AKAP7: variants seen among roughly 807,000 people sequenced by gnomAD.
AKAP7 encodes the protein A-kinase anchoring protein 7, also known as A kinase (PRKA) anchor protein 7.
Under a neutral mutation model 39.5 loss-of-function variants are expected in AKAP7, and 39 were observed. The ratio of observed to expected loss-of-function variants is 0.99; its 90% CI spans 0.76 to 1.29. The LOEUF is 1.29. AKAP7 is among the 50% of genes most tolerant of loss of function. The pLI, the probability that AKAP7 is intolerant of heterozygous loss-of-function variation, is 0.00. For synonymous variants in AKAP7, 140 were observed against 139.1 expected (o/e 1.01, Z -0.05); for missense variants, 414 against 407.7 (o/e 1.02, Z -0.13).
chr6:131,203,481 T>C (rs1235680825), intron 6 of AKAP7, among the ~76,000 whole-genome samples: 1 of 152,184 alleles, frequency 6.6e-6, no homozygotes, highest in Non-Finnish European at 1.5e-5. Context: ...GTTAGGAGAT[T>C]GGACTCATTT....
intron 7 of AKAP7, among the ~76,000 whole-genome samples, chr6:131,232,421 CT>C (rs1810699387): frequency 6.6e-6 from 1 of 152,160 alleles, no homozygotes; most frequent in African/African-American, 2.4e-5. Context: ...AAAGTTATGG[CT>C]GCCTAGTCCA....
At chr6:131,208,300 A>T (rs991640497) in intron 6 of AKAP7, among the ~76,000 whole-genome samples, 1 of 152,262 alleles carries the variant, frequency 6.6e-6, no homozygotes, top group Non-Finnish European at 1.5e-5. Flanking sequence ...TGATGTTTAC[A>T]AAGGTAAACC....
intron 7 of AKAP7, among the ~76,000 whole-genome samples, chr6:131,253,433 C>A (rs888670117): frequency 6.6e-6 from 1 of 152,110 alleles, no homozygotes. Flanking sequence ...ATATCCATCA[C>A]CTCAAACATT....
chr6:131,202,038 AT>A (rs1383727033), intron 6 of AKAP7, among the ~76,000 whole-genome samples: 1 of 152,214 alleles, frequency 6.6e-6, no homozygotes, highest in Non-Finnish European at 1.5e-5. Context: ...CATCAGAGAA[AT>A]GCAAATCAAA....
At chr6:131,128,951 A>C in the AKAP7 span, among the ~76,000 whole-genome samples, 1 of 152,324 alleles carries the variant, frequency 6.6e-6, no homozygotes, top group East Asian at 1.9e-4. Context: ...TGACATTGGC[A>C]ATTGGTCAAA....
intron 5 of AKAP7, among the ~76,000 whole-genome samples, chr6:131,195,498 AT>A (rs1806836411): frequency 6.6e-6 from 1 of 152,014 alleles, no homozygotes; most frequent in African/African-American, 2.4e-5. Flanking sequence ...AATAGTACAT[AT>A]TTTTCTTTGT....
intron 7 of AKAP7, among the ~76,000 whole-genome samples, chr6:131,234,806 C>T (rs189051200): frequency 1.3e-5 from 2 of 151,404 alleles, no homozygotes; most frequent in African/African-American, 4.8e-5. Context: ...TACAGTGACC[C>T]TGGTAGGCAA....
chr6:131,217,141 GCCA>G (rs1809259142), intron 6 of AKAP7, among the ~76,000 whole-genome samples: 1 of 152,158 alleles, frequency 6.6e-6, no homozygotes, highest in African/African-American at 2.4e-5. Context: ...TGAAAATAAT[GCCA>G]CCACGCAGCC....
chr6:131,180,011 G>A (rs983616423), intron 5 of AKAP7, among the ~76,000 whole-genome samples: 5 of 152,208 alleles, frequency 3.3e-5, no homozygotes, highest in African/African-American at 7.2e-5. Flanking sequence ...CACACTCAGA[G>A]CCTTGGCTCG....
In AKAP7 at chr6:131,282,414, G is replaced by T; in HGVS notation, c.*688G>T. The T allele has an allele frequency of 6.7e-7, 1 of 1,502,852 alleles. No homozygotes were observed. Among genetic ancestry groups the T allele is most frequent in the Non-Finnish European group, 8.9e-7 (1 of 1,129,020 alleles). 93.1% of individuals were successfully genotyped at this position (1,502,852 alleles called of 1,614,324 possible). A position where few individuals can be genotyped will look rare whatever the true frequency, so the allele number is the denominator to read the frequency against. The stretch of plus-strand genomic sequence containing the variant: ...TTTTTCTTAGGCAAGAAACCTATTG[G>T]AATTCGAGACTTAATTAATGAAGCT... On this transcript the variant is annotated 3_prime_UTR_variant, in exon 8 of 8. Transcript: ENST00000431975.
At chr6:131,272,046 C>CAT in intron 7 of AKAP7, among the ~76,000 whole-genome samples, 1 of 152,264 alleles carries the variant, frequency 6.6e-6, no homozygotes, top group South Asian at 2.1e-4. Flanking sequence ...CCCTGCCTTC[C>CAT]ATAAGGCTTT....
chr6:131,268,549 T>C (rs771755432), intron 7 of AKAP7, among the ~76,000 whole-genome samples: 1 of 152,188 alleles, frequency 6.6e-6, no homozygotes, highest in African/African-American at 2.4e-5. Flanking sequence ...CCCTCTGAGT[T>C]TGGTGTGTCC....
intron 4 of AKAP7, among the ~76,000 whole-genome samples, chr6:131,167,484 C>T (rs910943159): frequency 6.6e-6 from 1 of 152,080 alleles, no homozygotes; most frequent in Non-Finnish European, 1.5e-5. Flanking sequence ...ATAAATGAGC[C>T]AGGAATAGCT....
intron 5 of AKAP7, among the ~76,000 whole-genome samples, chr6:131,194,758 GC>G (rs2128276859): frequency 1.3e-5 from 2 of 152,176 alleles, no homozygotes; most frequent in South Asian, 4.2e-4. Flanking sequence ...TATTTCTGTT[GC>G]TGAATTGATC....
At chr6:131,219,255 A>G (rs975739127) in intron 6 of AKAP7, among the ~76,000 whole-genome samples, 3 of 148,554 alleles carry the variant, frequency 2.0e-5, no homozygotes, top group Admixed American at 6.9e-5. Flanking sequence ...GCGCCACTGC[A>G]CTCCAGCCTG....
At chr6:131,152,603 G>A (rs972788700) in intron 2 of AKAP7, among the ~76,000 whole-genome samples, 1 of 152,030 alleles carries the variant, frequency 6.6e-6, no homozygotes, top group African/African-American at 2.4e-5. Context: ...CGAGGAGGGC[G>A]GATCACTTGA....
rs561420351 is a variant in AKAP7, at chr6:131,273,477, G to T, written c.851-8053G>T. Among the ~76,000 whole-genome samples, 470 of 151,972 alleles carry T rather than the reference G, an allele frequency of 3.1e-3. 3 individuals carry two copies. The highest frequency in any genetic ancestry group is 0.011 in the African/African-American group (436 of 41,456). ...TTTTATCTCCATTATTGGCTTATTT[G>T]CTGTGCCTCTTTTTGTTTTTACGTT... On this transcript the variant is annotated intron_variant, in intron 7 of 7. Transcript: ENST00000431975.
intron 7 of AKAP7, among the ~76,000 whole-genome samples, chr6:131,247,326 C>CTTT (rs539406845): frequency 1.7e-5 from 1 of 58,164 alleles, no homozygotes; most frequent in Admixed American, 2.1e-4. Context: ...TTTTTTTTTT[C>CTTT]TTTTTTTTTT....
intron 7 of AKAP7, among the ~76,000 whole-genome samples, chr6:131,279,294 C>T (rs946250455): frequency 6.6e-6 from 1 of 151,996 alleles, no homozygotes; most frequent in African/African-American, 2.4e-5. Context: ...TTTTTTGAGA[C>T]AGTCTCACTC....
Sources: allele counts gnomAD v4.1 joint callset (sites outside exome capture counted in the v4.1 genomes callset), GRCh38; gene constraint gnomAD v4.1.1; transcripts MANE v1.5; gene names NCBI Gene and HGNC (gene_info 2026-07-23, HGNC 2026-07-21).